Variants in AAK1 observed in about 807,000 individuals in gnomAD.
AAK1 encodes the protein AP2 associated kinase 1, also known as AP2-associated protein kinase 1.
Under a neutral mutation model 116.0 loss-of-function variants are expected in AAK1, and 37 were observed. That is an observed-to-expected ratio of 0.32 (90% confidence interval 0.25 to 0.42). The LOEUF is 0.42. AAK1 is among the 10% of genes least tolerant of loss of function. AAK1 has a pLI of 1.00. For synonymous variants in AAK1, 458 were observed against 439.9 expected (o/e 1.04, Z -0.51); for missense variants, 919 against 1,170.6 (o/e 0.79, Z 3.14).
At chr2:69,511,696 G>GA (rs1436763406) in intron 13 of AAK1, among the ~76,000 whole-genome samples, 1 of 152,226 alleles carries the variant, frequency 6.6e-6, no homozygotes, top group African/African-American at 2.4e-5. Context: ...GGAGGGAAGG[G>GA]ATGGTGAAAT....
chr2:69,488,149 CGTGTGTGTGT>C (rs58575925), intron 17 of AAK1, among the ~76,000 whole-genome samples: 2 of 144,652 alleles, frequency 1.4e-5, no homozygotes, highest in South Asian at 2.2e-4. Flanking sequence ...TGTGTGTGGA[CGTGTGTGTGT>C]GTGTGTGTGT....
intron 4 of AAK1, among the ~76,000 whole-genome samples, chr2:69,543,220 C>G (rs1670792884): frequency 1.3e-5 from 2 of 152,138 alleles, no homozygotes; most frequent in South Asian, 4.1e-4. Flanking sequence ...TATCCAGATG[C>G]CTGGATGCTC....
chr2:69,478,508 A>T, intron 20 of AAK1: 1 of 164,148 alleles, frequency 6.1e-6, no homozygotes, highest in Non-Finnish European at 1.3e-5. Flanking sequence ...GCTGGAGTGC[A>T]GTGGTGCGAT....
intron 16 of AAK1, 102 bp from the exon 17 acceptor site, chr2:69,496,182 A>G (rs1169741209): frequency 1.3e-6 from 1 of 756,048 alleles, no homozygotes. Context: ...TTAATGCAAC[A>G]GTTCAAACTA....
In AAK1 at chr2:69,466,327, C is replaced by T; in HGVS notation, c.*9542G>A. 2 of 1,289,828 alleles carry T rather than the reference C, an allele frequency of 1.6e-6. No homozygotes were observed. The highest frequency in any genetic ancestry group is 2.0e-6 in the Non-Finnish European group (2 of 988,872). The allele number at this position is 1,289,828 out of a possible 1,614,324, so 79.9% of individuals were successfully genotyped here. Reference sequence around the variant, plus strand: ...AGGAGAGGCCGAGACCCACTGCAGTCCAGCATGTCTCCTTCAAGGTCAGTC... The same window carrying T: ...AGGAGAGGCCGAGACCCACTGCAGTTCAGCATGTCTCCTTCAAGGTCAGTC... On this transcript the variant is annotated 3_prime_UTR_variant, in exon 22 of 22. Coordinates refer to ENST00000409085, the MANE Select transcript of AAK1 (RefSeq NM_014911.5).
chr2:69,580,408 A>T (rs1672494133), intron 2 of AAK1, among the ~76,000 whole-genome samples: 1 of 152,234 alleles, frequency 6.6e-6, no homozygotes, highest in Admixed American at 6.5e-5. Flanking sequence ...TGGTATAAGT[A>T]TGTGCAGACA....
chr2:69,635,820 A>T (rs941643956), intron 2 of AAK1, among the ~76,000 whole-genome samples: 13 of 152,172 alleles, frequency 8.5e-5, no homozygotes, highest in African/African-American at 2.7e-4. Flanking sequence ...AATAGGTACA[A>T]TTTCAGTTTT....
At chr2:69,521,156 G>C (rs770538456) in intron 10 of AAK1, among the ~76,000 whole-genome samples, 168 bp from the exon 11 acceptor site, 3 of 152,222 alleles carry the variant, frequency 2.0e-5, no homozygotes, top group Non-Finnish European at 4.4e-5. Context: ...TAGACCTTCT[G>C]AAAGTAGGCT....
intron 2 of AAK1, among the ~76,000 whole-genome samples, chr2:69,579,897 C>G (rs529627175): frequency 1.6e-4 from 24 of 152,306 alleles, no homozygotes; most frequent in Non-Finnish European, 2.6e-4. Flanking sequence ...AGCTGATAAA[C>G]ATTTCCACTT....
At chr2:69,595,216 G>A (rs577413328) in intron 2 of AAK1, among the ~76,000 whole-genome samples, 1 of 152,240 alleles carries the variant, frequency 6.6e-6, no homozygotes, top group African/African-American at 2.4e-5. Flanking sequence ...AGGTTCAAGC[G>A]ATTCTCCTGC....
chr2:69,573,341 G>A (rs1672163901), intron 2 of AAK1, among the ~76,000 whole-genome samples: 1 of 152,176 alleles, frequency 6.6e-6, no homozygotes, highest in Admixed American at 6.5e-5. Flanking sequence ...GGTGTCACAC[G>A]GTTTAGACAA....
chr2:69,579,715 T>A (rs1040820816), intron 2 of AAK1, among the ~76,000 whole-genome samples: 17 of 152,332 alleles, frequency 1.1e-4, no homozygotes, highest in Middle Eastern at 6.8e-3. Context: ...TTCCTCCTGT[T>A]CCTTAATTGC....
At chr2:69,599,615 T>G (rs1673468045) in intron 2 of AAK1, among the ~76,000 whole-genome samples, 2 of 152,214 alleles carry the variant, frequency 1.3e-5, no homozygotes, top group Admixed American at 1.3e-4. Context: ...ATTAGGTTAT[T>G]ATTGATAGCT....
intron 10 of AAK1, among the ~76,000 whole-genome samples, chr2:69,521,440 G>T (rs529295356): frequency 1.3e-5 from 2 of 152,324 alleles, no homozygotes; most frequent in Non-Finnish European, 2.9e-5. Context: ...GCAACTAGCT[G>T]TTAAAGTGGT....
intron 13 of AAK1, among the ~76,000 whole-genome samples, chr2:69,511,534 G>A (rs1676395740): frequency 6.6e-6 from 1 of 152,190 alleles, no homozygotes; most frequent in Non-Finnish European, 1.5e-5. Context: ...ACAGCTGGCT[G>A]AATACTACCA....
intron 20 of AAK1, among the ~76,000 whole-genome samples, chr2:69,477,652 A>T (rs1030482488): frequency 6.6e-6 from 1 of 152,198 alleles, no homozygotes. Context: ...TTTGCAAATG[A>T]TGCTTCTCTG....
At chr2:69,502,102 A>G (rs1047149442) in intron 16 of AAK1, among the ~76,000 whole-genome samples, 2 of 152,216 alleles carry the variant, frequency 1.3e-5, no homozygotes, top group Non-Finnish European at 1.5e-5. Context: ...CTCTGGCTAG[A>G]GTTACCAAGA....
chr2:69,559,262 T>TCTCACACA (rs1351412903), intron 2 of AAK1, among the ~76,000 whole-genome samples: 37 of 127,264 alleles, frequency 2.9e-4, no homozygotes, highest in Non-Finnish European at 5.7e-4. Context: ...TCTCTCTCTC[T>TCTCACACA]CACACACACA....
Position 69,473,904 on chromosome 2 carries a change from G to A in AAK1, c.*1965C>T. ...GGGTAAACCAAGTCCTATTTTCACT[G>A]CTATCCAACCACAGAGAGCCCTTCG... On this transcript the variant is annotated 3_prime_UTR_variant, in exon 22 of 22. Coordinates refer to ENST00000409085, the MANE Select transcript of AAK1 (RefSeq NM_014911.5). 1.0e-6 allele frequency: 1 copy of A among 985,674 alleles called. No homozygotes were observed. Among genetic ancestry groups the A allele is most frequent in the South Asian group, 4.7e-5 (1 of 21,272 alleles). 61.1% of individuals were successfully genotyped at this position (985,674 alleles called of 1,614,324 possible).
Sources: gnomAD v4.1 joint callset for allele counts (sites outside exome capture counted in the v4.1 genomes callset) on GRCh38, gnomAD v4.1.1 for gene constraint, MANE v1.5 for transcripts, NCBI Gene and HGNC (gene_info 2026-07-23, HGNC 2026-07-21) for gene names.